PDLIM5: variants seen among roughly 807,000 people sequenced by gnomAD.
PDLIM5 encodes PDZ and LIM domain 5.
A neutral mutation model predicts 64.2 loss-of-function variants in PDLIM5; 34 were observed. The observed-to-expected ratio is 0.53, with a 90% CI of 0.40 to 0.71. PDLIM5 has a LOEUF of 0.71. Ranked by LOEUF, PDLIM5 falls within the 30% of genes least tolerant of loss-of-function variation. The probability of loss-of-function intolerance (pLI) is 0.00; values close to 1 mark genes in which losing one functional copy is unlikely to be tolerated. For missense variants in PDLIM5, 683 were observed against 733.6 expected, an observed-to-expected ratio of 0.93 and a Z score of 0.80; for synonymous variants, 253 against 269.1, an observed-to-expected ratio of 0.94 and a Z score of 0.59.
chr4:94,471,701 A>G (rs1312783257), intron 2 of PDLIM5, among the ~76,000 whole-genome samples: 1 of 152,172 alleles, frequency 6.6e-6, no homozygotes, highest in Non-Finnish European at 1.5e-5. Flanking sequence ...CAGTGCCCCA[A>G]GTTCTTTACC....
intron 2 of PDLIM5, chr4:94,455,612 A>C: frequency 1.5e-6 from 1 of 656,918 alleles, no homozygotes; most frequent in South Asian, 2.0e-5. Context: ...TCAATAATAA[A>C]ATGGAAAAAG....
rs529451238 is a variant in PDLIM5 at position 94,516,914 on chromosome 4, TA to T, written c.97-6809del. ...TTTAAATGTAGTTGAATAGCATTTGTAGACTGCTCAAAGTGCCAACATTATA... is the reference window on the plus strand; with the variant it reads ...TTTAAATGTAGTTGAATAGCATTTGTGACTGCTCAAAGTGCCAACATTATA... On this transcript the variant is annotated intron_variant, in intron 2 of 12. Coordinates refer to ENST00000317968, the MANE Select transcript of PDLIM5 (RefSeq NM_006457.5). Among the ~76,000 whole-genome samples, 11 of 152,300 alleles carry T rather than the reference TA, an allele frequency of 7.2e-5. No homozygotes were observed. The South Asian group carries it at 2.3e-3, about 32-fold the overall frequency.
intron 3 of PDLIM5, among the ~76,000 whole-genome samples, chr4:94,553,423 A>G (rs1732992105): frequency 6.6e-6 from 1 of 152,168 alleles, no homozygotes; most frequent in Non-Finnish European, 1.5e-5. Context: ...GATCGGTTTT[A>G]GTTATTAGCG....
intron 7 of PDLIM5, among the ~76,000 whole-genome samples, chr4:94,604,976 G>A (rs543248356): frequency 1.3e-5 from 2 of 152,338 alleles, no homozygotes; most frequent in South Asian, 4.1e-4. Flanking sequence ...GGGTCTAGTT[G>A]AGATGGCTGA....
chr4:94,640,485 TA>T, intron 9 of PDLIM5, 35 bp downstream of exon 9: 1 of 1,330,206 alleles, frequency 7.5e-7, no homozygotes, highest in Non-Finnish European at 1.0e-6. Flanking sequence ...TGAAAGTACT[TA>T]ATATCAATGT....
intron 9 of PDLIM5, among the ~76,000 whole-genome samples, chr4:94,646,367 C>T (rs1224255745): frequency 6.6e-6 from 1 of 152,200 alleles, no homozygotes; most frequent in East Asian, 1.9e-4. Context: ...TGTGAAGACA[C>T]ATGGAGAAGA....
chr4:94,647,302 GA>G (rs1741492257), intron 9 of PDLIM5, among the ~76,000 whole-genome samples: 2 of 151,900 alleles, frequency 1.3e-5, no homozygotes, highest in Non-Finnish European at 2.9e-5. Flanking sequence ...TAAAAGTATA[GA>G]AAAAAATATA....
intron 7 of PDLIM5, among the ~76,000 whole-genome samples, chr4:94,597,109 C>T (rs1039330432): frequency 6.6e-6 from 1 of 152,166 alleles, no homozygotes; most frequent in Admixed American, 6.5e-5. Flanking sequence ...ACTTATTTTG[C>T]CTCTTCACAC....
intron 2 of PDLIM5, among the ~76,000 whole-genome samples, chr4:94,520,930 T>C (rs1458469448): frequency 6.6e-6 from 1 of 152,262 alleles, no homozygotes; most frequent in East Asian, 1.9e-4. Flanking sequence ...CCATTTGTGC[T>C]AATTGATTGA....
Position 94,555,350 on chromosome 4 carries a change from G to A in PDLIM5, c.249-18001G>A, listed in dbSNP as rs998878648. On this transcript the variant is annotated intron_variant, in intron 3 of 12. Transcript: ENST00000317968. ...GATTACAGGCATGAGCCACCTCACC[G>A]GCCTAAATGCATTTTTTACTTATGA... Among the ~76,000 whole-genome samples, 9 of 152,126 alleles carry A rather than the reference G, an allele frequency of 5.9e-5. No individual in the cohort carries two copies. In the South Asian group the frequency reaches 6.2e-4, roughly 11 times the overall value.
At chr4:94,511,351 G>T (rs1053062587) in intron 2 of PDLIM5, among the ~76,000 whole-genome samples, 1 of 151,978 alleles carries the variant, frequency 6.6e-6, no homozygotes, top group Non-Finnish European at 1.5e-5. Flanking sequence ...TACATGGTAG[G>T]TGTATATATT....
At chr4:94,487,265 A>G (rs559978053) in intron 2 of PDLIM5, among the ~76,000 whole-genome samples, 4 of 152,340 alleles carry the variant, frequency 2.6e-5, no homozygotes, top group Admixed American at 1.3e-4. Flanking sequence ...ATTAAAAGGT[A>G]TCAGTGCTGC....
intron 9 of PDLIM5, among the ~76,000 whole-genome samples, chr4:94,652,238 C>T (rs759636955): frequency 5.3e-5 from 8 of 152,156 alleles, no homozygotes; most frequent in Non-Finnish European, 7.4e-5. Context: ...AGAATACTAG[C>T]CTCAAGAGTC....
At chr4:94,626,784 C>T (rs1173058343) in intron 8 of PDLIM5, among the ~76,000 whole-genome samples, 3 of 148,494 alleles carry the variant, frequency 2.0e-5, no homozygotes, top group Admixed American at 6.7e-5. Context: ...TATGTTGTTT[C>T]GGTGTTTTTT....
At position 94,666,276 on chromosome 4, in the gene PDLIM5, A is replaced by T. The variant is rs1743077159; in HGVS notation, c.*2209A>T. ...TCTAGCAGATTTATATTATATGCAGATAATAATTAACTGGGGATAAAAGAA... is the reference window on the plus strand; with the variant it reads ...TCTAGCAGATTTATATTATATGCAGTTAATAATTAACTGGGGATAAAAGAA... On this transcript the variant is annotated 3_prime_UTR_variant, in exon 13 of 13. Coordinates refer to ENST00000317968, the MANE Select transcript of PDLIM5 (RefSeq NM_006457.5). The T allele has an allele frequency of 2.6e-6, 1 of 378,986 alleles. No individual in the cohort carries two copies. The highest frequency in any genetic ancestry group is 4.7e-6 in the Non-Finnish European group (1 of 213,484). The allele number at this position is 378,986 out of a possible 1,614,324, so 23.5% of individuals were successfully genotyped here. A position where few individuals can be genotyped will look rare whatever the true frequency, so the allele number is the denominator to read the frequency against.
intron 3 of PDLIM5, among the ~76,000 whole-genome samples, chr4:94,566,413 T>A (rs940951161): frequency 4.6e-5 from 7 of 152,218 alleles, no homozygotes; most frequent in African/African-American, 1.7e-4. Flanking sequence ...ATCCTGTTAG[T>A]AATTTGATTC....
At chr4:94,640,216 T>G in intron 8 of PDLIM5, 60 bp from the exon 9 acceptor site, 1 of 782,164 alleles carries the variant, frequency 1.3e-6, no homozygotes, top group Non-Finnish European at 2.0e-6. Flanking sequence ...ATTATTTGAT[T>G]GTTAGGAAAG....
intron 2 of PDLIM5, among the ~76,000 whole-genome samples, chr4:94,464,041 A>T (rs1001762780): frequency 2.0e-5 from 3 of 152,152 alleles, no homozygotes; most frequent in African/African-American, 7.2e-5. Context: ...TAACAAAAAG[A>T]GTAAGGATGC....
chr4:94,622,256 T>C (rs760704650), intron 8 of PDLIM5, among the ~76,000 whole-genome samples: 14 of 150,708 alleles, frequency 9.3e-5, no homozygotes, highest in Admixed American at 9.2e-4. Flanking sequence ...TGATAGCGGA[T>C]TCATCATGTG....
Sources: allele counts gnomAD v4.1 joint callset (sites outside exome capture counted in the v4.1 genomes callset), GRCh38; gene constraint gnomAD v4.1.1; transcripts MANE v1.5; gene names NCBI Gene and HGNC (gene_info 2026-07-23, HGNC 2026-07-21).